Variants in IDI1 observed in about 807,000 individuals in gnomAD.
IDI1 encodes the protein isopentenyl-diphosphate Delta-isomerase 1.
IDI1 carries 23 observed loss-of-function variants against 32.9 expected under a neutral mutation model. The observed-to-expected ratio is 0.70, with a 90% confidence interval of 0.50 to 0.99. IDI1 has a LOEUF of 0.99. IDI1 is among the 50% of genes least tolerant of loss of function. The pLI is 0.00. For synonymous variants in IDI1, 133 were observed against 128.2 expected, an observed-to-expected ratio of 1.04 and a Z score of -0.25; for missense variants, 326 against 351.9, an observed-to-expected ratio of 0.93 and a Z score of 0.59.
chr10:1,056,517 G>GC, the IDI1 span: 1 of 152,134 alleles, frequency 6.6e-6, no homozygotes, highest in Non-Finnish European at 1.5e-5. Flanking sequence ...CAGCCCTCCC[G>GC]CCCCGGCTGC....
chr10:1,051,538 C>T (rs796907505), upstream of IDI1, among the ~76,000 whole-genome samples: 3 of 152,222 alleles, frequency 2.0e-5, no homozygotes, highest in South Asian at 4.1e-4. Flanking sequence ...ACAACTCAAA[C>T]GTTCCCACAA....
rs1564485007 is a variant in IDI1 at position 1,043,354 on chromosome 10, G to A, written c.353C>T (p.Thr118Ile). The A allele has an allele frequency of 6.2e-7, 1 of 1,611,042 alleles. No homozygotes were observed. Among genetic ancestry groups the A allele is most frequent in the East Asian group, 2.2e-5 (1 of 44,864 alleles). ...TTGCTGTAGCAGAAGCTTATTTTCG[G>A]TGTTGAATAAGAAGACACTAAAAGC... Reference protein sequence around the residue: ...HRAFSVFLFNTENKLLLQQRS... With the variant: ...HRAFSVFLFNIENKLLLQQRS... The change falls in exon 3 of 5, where the codon ACC (threonine) becomes ATC (isoleucine). Residue 118 changes from threonine to isoleucine, a missense_variant. Transcript: ENST00000381344.
upstream of IDI1, among the ~76,000 whole-genome samples, chr10:1,052,861 C>G (rs1426898427): frequency 6.6e-6 from 1 of 152,180 alleles, no homozygotes; most frequent in Non-Finnish European, 1.5e-5. Context: ...TTTGACTTCT[C>G]CTCTCTAGTT....
In IDI1 at chr10:1,041,101, T is replaced by C. The variant is rs1832564470; in HGVS notation, c.*86A>G. Reference sequence around the variant, plus strand: ...TGATAGAACTAAATTTAATGATAAATTAATGATAGAACTAAATTTAAAAGG... The same window carrying C: ...TGATAGAACTAAATTTAATGATAAACTAATGATAGAACTAAATTTAAAAGG... On this transcript the variant is annotated 3_prime_UTR_variant, in exon 5 of 5. Coordinates refer to ENST00000381344, the MANE Select transcript of IDI1 (RefSeq NM_004508.4). 1 of 744,322 alleles carries C rather than the reference T, an allele frequency of 1.3e-6. No individual in the cohort carries two copies. The highest frequency in any genetic ancestry group is 2.2e-6 in the Non-Finnish European group (1 of 462,304). 46.1% of individuals were successfully genotyped at this position (744,322 alleles called of 1,614,324 possible).
Position 1,040,233 on chromosome 10 carries a change from TC to T in IDI1, c.*953del, listed in dbSNP as rs1233221587. ...CAGGCCTTTGTTGTTGTTATTTTTT[TC>T]TCCCTACAATATTTCCTGACTCTGT... On this transcript the variant is annotated 3_prime_UTR_variant, in exon 5 of 5. Transcript: ENST00000381344. 6.6e-6 allele frequency: 1 copy of T among 152,220 alleles called. No individual in the cohort carries two copies. The highest frequency in any genetic ancestry group is 1.5e-5 in the Non-Finnish European group (1 of 68,042). 9.4% of individuals were successfully genotyped at this position (152,220 alleles called of 1,614,324 possible). A position where few individuals can be genotyped will look rare whatever the true frequency, so the allele number is the denominator to read the frequency against.
chr10:1,049,090 A>C lies in IDI1; in HGVS notation c.-87T>G. ...GGTGCCACCTCCCTGGCCTGTGACA[A>C]CGGCAGACGCGCGAAGCACCGGGAA... On this transcript the variant is annotated 5_prime_UTR_variant, in exon 1 of 5. Transcript: ENST00000381344. 1.4e-6 allele frequency: 2 copies of C among 1,408,722 alleles called. No homozygotes were observed. The highest frequency in any genetic ancestry group is 1.8e-6 in the Non-Finnish European group (2 of 1,088,806). The allele number at this position is 1,408,722 out of a possible 1,614,324, so 87.3% of individuals were successfully genotyped here.
In IDI1 at chr10:1,041,145, T is replaced by C. The variant is rs1338625009; in HGVS notation, c.*42A>G. 1 of 1,118,922 alleles carries C rather than the reference T, an allele frequency of 8.9e-7. No individual in the cohort carries two copies. Among genetic ancestry groups the C allele is most frequent in the Non-Finnish European group, 1.3e-6 (1 of 775,596 alleles). 69.3% of individuals were successfully genotyped at this position (1,118,922 alleles called of 1,614,324 possible). On this transcript the variant is annotated 3_prime_UTR_variant, in exon 5 of 5. Transcript: ENST00000381344. ...TAAAAGGAAAAAGTCATTCTAAGTTTGTTAAGCAGATAAATTTTTCTGTAA... is the reference window on the plus strand; with the variant it reads ...TAAAAGGAAAAAGTCATTCTAAGTTCGTTAAGCAGATAAATTTTTCTGTAA...
In IDI1 at chr10:1,040,767, C is replaced by T. The variant is rs913626030; in HGVS notation, c.*420G>A. On this transcript the variant is annotated 3_prime_UTR_variant, in exon 5 of 5. Transcript: ENST00000381344. ...AGTTTCCTTTGCACATTTTTCTGAA[C>T]TATGAGAAAAATTTAATGATACATA... The T allele has an allele frequency of 3.0e-4, 48 of 158,234 alleles. No individual in the cohort carries two copies. The highest frequency in any genetic ancestry group is 3.3e-3 in the Middle Eastern group (1 of 304). The allele number at this position is 158,234 out of a possible 1,614,324, so 9.8% of individuals were successfully genotyped here.
rs749397565 is a variant in IDI1 at position 1,044,090 on chromosome 10, C to T, written c.222G>A (p.Leu74=). 2 of 1,613,624 alleles carry T rather than the reference C, an allele frequency of 1.2e-6. No individual in the cohort carries two copies. Among genetic ancestry groups the T allele is most frequent in the Non-Finnish European group, 1.7e-6 (2 of 1,179,586 alleles). Reference sequence around the variant, plus strand: ...CATCAATAAGGATACACATCTCTGCCAGGAGTTGAACCTGTTGCTTGTCGA... The same window carrying T: ...CATCAATAAGGATACACATCTCTGCTAGGAGTTGAACCTGTTGCTTGTCGA... ...NHLDKQQVQL[L]AEMCILIDEN... Residue 74 remains leucine (L), a synonymous_variant, in exon 2 of 5, where the codon CTG becomes CTA. Coordinates refer to ENST00000381344, the MANE Select transcript of IDI1 (RefSeq NM_004508.4).
At chr10:1,054,635 C>G in the IDI1 span, among the ~76,000 whole-genome samples, 89 of 152,306 alleles carry the variant, frequency 5.8e-4, 2 homozygotes, top group East Asian at 0.016. Flanking sequence ...GCAATCATAA[C>G]CTTTTATAAT....
chr10:1,040,910 T>G lies in IDI1; in HGVS notation c.*277A>C, dbSNP rs931354678. ...TCCCATAAGTATGTATCTGCAAAGATTAAATTAAGTTTTATTTGCTCGCTC... is the reference window on the plus strand; with the variant it reads ...TCCCATAAGTATGTATCTGCAAAGAGTAAATTAAGTTTTATTTGCTCGCTC... On this transcript the variant is annotated 3_prime_UTR_variant, in exon 5 of 5. Coordinates refer to ENST00000381344, the MANE Select transcript of IDI1 (RefSeq NM_004508.4). 4.7e-5 allele frequency: 14 copies of G among 300,308 alleles called. No individual in the cohort carries two copies. In the East Asian group the frequency reaches 6.1e-4, roughly 13 times the overall value. 18.6% of individuals were successfully genotyped at this position (300,308 alleles called of 1,614,324 possible). A position where few individuals can be genotyped will look rare whatever the true frequency, so the allele number is the denominator to read the frequency against.
At chr10:1,050,217 G>A (rs953857478), upstream of IDI1, among the ~76,000 whole-genome samples, 1 of 152,106 alleles carries the variant, frequency 6.6e-6, no homozygotes. Flanking sequence ...AAAAACACAC[G>A]ACACTAACAT....
chr10:1,041,660 G>A (rs1832592328), intron 4 of IDI1, among the ~76,000 whole-genome samples, 156 bp from the exon 5 acceptor site: 1 of 151,226 alleles, frequency 6.6e-6, no homozygotes, highest in Non-Finnish European at 1.5e-5. Context: ...AATGGTATAT[G>A]GAAATCTTAA....
rs1170645923 is a variant in IDI1, at chr10:1,041,081, G to C, written c.*106C>G. The C allele has an allele frequency of 8.7e-6, 6 of 690,578 alleles. No homozygotes were observed. The allele number at this position is 690,578 out of a possible 1,614,324, so 42.8% of individuals were successfully genotyped here. A position where few individuals can be genotyped will look rare whatever the true frequency, so the allele number is the denominator to read the frequency against. On this transcript the variant is annotated 3_prime_UTR_variant, in exon 5 of 5. Coordinates refer to ENST00000381344, the MANE Select transcript of IDI1 (RefSeq NM_004508.4). ...ACATTAATGATAGTACCAAATGATA[G>C]AACTAAATTTAATGATAAATTAATG...
intron 4 of IDI1, chr10:1,042,421 C>T: frequency 1.9e-6 from 1 of 515,216 alleles, no homozygotes; most frequent in South Asian, 1.9e-5. Context: ...CTTAACAGAT[C>T]AATCCATCCC....
At chr10:1,054,926 T>A in the IDI1 span, among the ~76,000 whole-genome samples, 1 of 152,216 alleles carries the variant, frequency 6.6e-6, no homozygotes, top group East Asian at 1.9e-4. Context: ...AAACGTCATG[T>A]GAAGACTGGC....
Position 1,042,624 on chromosome 10 carries a change from C to G in IDI1, c.537+8G>C. The G allele has an allele frequency of 6.2e-7, 1 of 1,613,626 alleles. No homozygotes were observed. The highest frequency in any genetic ancestry group is 2.2e-5 in the East Asian group (1 of 44,856). On this transcript the variant is annotated splice_region_variant and intron_variant, in intron 4 of 4. Coordinates refer to ENST00000381344, the MANE Select transcript of IDI1 (RefSeq NM_004508.4). ...CAGCTTGTATGGTTGTGTAGGAGAG[C>G]TGGTTACCTCTTCCAAGGGAATTCC... is the stretch of plus-strand genomic sequence containing the variant.
chr10:1,049,367 G>A (rs11543318), upstream of IDI1, among the ~76,000 whole-genome samples: 6 of 152,048 alleles, frequency 3.9e-5, no homozygotes, highest in Non-Finnish European at 8.8e-5. Flanking sequence ...CCCTGCAGCC[G>A]GAAGCTCGGC....
chr10:1,049,142 G>A (rs1022454658), upstream of IDI1: 2 of 1,347,456 alleles, frequency 1.5e-6, no homozygotes, highest in African/African-American at 3.1e-5. Flanking sequence ...GGGCTCTGGC[G>A]CCTTTAAGGG....
Sources: gnomAD v4.1 joint callset for allele counts (sites outside exome capture counted in the v4.1 genomes callset) on GRCh38, gnomAD v4.1.1 for gene constraint, MANE v1.5 for transcripts, NCBI Gene and HGNC (gene_info 2026-07-23, HGNC 2026-07-21) for gene names.